LRP1B: variants seen among roughly 807,000 people sequenced by gnomAD.
LRP1B encodes the protein low-density lipoprotein receptor-related protein 1B.
In LRP1B, 217 loss-of-function variants were observed where a neutral mutation model predicts 556.6. That is an observed-to-expected ratio of 0.39 (90% CI 0.35 to 0.44). The LOEUF is 0.44. Ranked by LOEUF, LRP1B falls within the 20% of genes least tolerant of loss-of-function variation. The pLI is 1.00. For synonymous variants in LRP1B, 2,047 were observed against 1,865.8 expected (o/e 1.10, Z -2.50); for missense variants, 5,053 against 5,620.8 (o/e 0.90, Z 3.23).
At chr2:141,135,062 A>G (rs1701457174) in intron 7 of LRP1B, among the ~76,000 whole-genome samples, 1 of 151,754 alleles carries the variant, frequency 6.6e-6, no homozygotes. Flanking sequence ...TGGATTTCAA[A>G]TACTCTTCTA....
At chr2:140,481,281 A>T (rs1688227059) in intron 59 of LRP1B, among the ~76,000 whole-genome samples, 1 of 152,098 alleles carries the variant, frequency 6.6e-6, no homozygotes, top group Non-Finnish European at 1.5e-5. Context: ...TTTGCACAAC[A>T]TGTTTATGAT....
chr2:140,479,479 TAA>T (rs34420621), intron 59 of LRP1B, among the ~76,000 whole-genome samples: 7,252 of 152,160 alleles, frequency 0.048, 207 homozygotes, highest in African/African-American at 0.052. Context: ...TATAAGCACA[TAA>T]AAGAATGTCT....
At chr2:140,302,049 A>G (rs1413140859) in intron 83 of LRP1B, among the ~76,000 whole-genome samples, 5 of 152,092 alleles carry the variant, frequency 3.3e-5, no homozygotes, top group Non-Finnish European at 5.9e-5. Flanking sequence ...GTTGGCTAAT[A>G]TCTCTAGCTG....
intron 2 of LRP1B, among the ~76,000 whole-genome samples, chr2:141,481,886 C>G (rs1049233254): frequency 6.6e-6 from 1 of 152,072 alleles, no homozygotes; most frequent in African/African-American, 2.4e-5. Flanking sequence ...TTGGTGTTAT[C>G]ATAGTTAAGT....
At chr2:140,741,644 T>C (rs902514325) in intron 35 of LRP1B, among the ~76,000 whole-genome samples, 1 of 152,136 alleles carries the variant, frequency 6.6e-6, no homozygotes, top group African/African-American at 2.4e-5. Flanking sequence ...CCACTCTCCA[T>C]TCTCAAGTAG....
chr2:140,352,902 A>G (rs1286334839), intron 76 of LRP1B, 51 bp downstream of exon 76: 1 of 1,543,452 alleles, frequency 6.5e-7, no homozygotes, highest in Non-Finnish European at 8.8e-7. Context: ...TCTCCATAAA[A>G]TGTTTACAAC....
intron 18 of LRP1B, among the ~76,000 whole-genome samples, chr2:140,974,272 A>T (rs1696522609): frequency 6.6e-6 from 1 of 152,228 alleles, no homozygotes; most frequent in East Asian, 1.9e-4. Flanking sequence ...ATATTTAAAC[A>T]ATCAGTAGGT....
chr2:140,397,896 T>A (rs1422678316), intron 66 of LRP1B, among the ~76,000 whole-genome samples: 1 of 152,234 alleles, frequency 6.6e-6, no homozygotes, highest in Non-Finnish European at 1.5e-5. Flanking sequence ...TTTATCTTGT[T>A]CTGTATACAT....
chr2:140,613,376 T>TATAATTATATACATATAAATATAA (rs1173639874), intron 41 of LRP1B, among the ~76,000 whole-genome samples: 3 of 104,986 alleles, frequency 2.9e-5, no homozygotes, highest in African/African-American at 5.8e-5. Context: ...TATAAATATA[T>TATAATTATATACATATAAATATAA]ATAATTATAT....
chr2:141,853,323 G>C (rs905074593), intron 1 of LRP1B, among the ~76,000 whole-genome samples: 1 of 151,472 alleles, frequency 6.6e-6, no homozygotes, highest in African/African-American at 2.4e-5. Context: ...AGTTATAACG[G>C]TTATGAAGAA....
chr2:141,751,944 T>C (rs1694131050), intron 2 of LRP1B, among the ~76,000 whole-genome samples: 1 of 151,486 alleles, frequency 6.6e-6, no homozygotes, highest in African/African-American at 2.4e-5. Context: ...CATGGTCATC[T>C]CTGTTCCAAC....
intron 81 of LRP1B, 92 bp downstream of exon 81, chr2:140,323,801 T>A (rs1680299152): frequency 3.1e-6 from 2 of 635,304 alleles, no homozygotes; most frequent in East Asian, 6.0e-5. Flanking sequence ...TTAAGACATT[T>A]ACATAGTTAA....
intron 1 of LRP1B, among the ~76,000 whole-genome samples, chr2:142,045,770 C>T (rs1473427500): frequency 6.6e-6 from 1 of 151,676 alleles, no homozygotes; most frequent in Non-Finnish European, 1.5e-5. Context: ...ACAGGTTTTC[C>T]GAGAAGTTCA....
At chr2:140,543,173 T>TA (rs1316230833) in intron 43 of LRP1B, among the ~76,000 whole-genome samples, 1 of 151,930 alleles carries the variant, frequency 6.6e-6, no homozygotes, top group African/African-American at 2.4e-5. Flanking sequence ...TATGAGAATA[T>TA]AAAAATGTAT....
intron 3 of LRP1B, among the ~76,000 whole-genome samples, chr2:141,450,585 T>C (rs116328975): frequency 6.6e-6 from 1 of 151,002 alleles, no homozygotes; most frequent in African/African-American, 2.4e-5. Context: ...TAAAAAAAAA[T>C]ATATATATAT....
chr2:140,939,983 T>A (rs1695349473), intron 20 of LRP1B, among the ~76,000 whole-genome samples: 1 of 151,098 alleles, frequency 6.6e-6, no homozygotes, highest in Non-Finnish European at 1.5e-5. Flanking sequence ...CCTCCCAGGT[T>A]CAAACGATTC....
chr2:141,013,474 C>T, intron 14 of LRP1B, 82 bp downstream of exon 14: 1 of 1,122,332 alleles, frequency 8.9e-7, no homozygotes, highest in Non-Finnish European at 1.2e-6. Context: ...TTTAGCAACA[C>T]TGTCAAGATA....
chr2:141,700,273 C>T (rs770698155), intron 2 of LRP1B, among the ~76,000 whole-genome samples: 31 of 151,884 alleles, frequency 2.0e-4, no homozygotes, highest in Non-Finnish European at 3.8e-4. Flanking sequence ...TGTTTATTCC[C>T]CGCTGGCAGA....
At chr2:141,207,732 A>G (rs531320300) in intron 6 of LRP1B, among the ~76,000 whole-genome samples, 5 of 152,228 alleles carry the variant, frequency 3.3e-5, no homozygotes, top group African/African-American at 7.2e-5. Context: ...CTGGAGCGCA[A>G]TGGTGCAATC....
Sources: allele counts gnomAD v4.1 joint callset (sites outside exome capture counted in the v4.1 genomes callset), GRCh38; gene constraint gnomAD v4.1.1; transcripts MANE v1.5; gene names NCBI Gene and HGNC (gene_info 2026-07-23, HGNC 2026-07-21).